Variants in THSD7B observed in about 807,000 individuals in gnomAD.
The protein encoded by THSD7B is thrombospondin type-1 domain-containing protein 7B.
Under a neutral mutation model 213.6 loss-of-function variants are expected in THSD7B, and 138 were observed. The observed-to-expected ratio is 0.65, with a 90% CI of 0.56 to 0.74. The LOEUF (loss-of-function observed/expected upper bound fraction) is 0.74, where lower values mean the gene tolerates loss of function less well. Among genes scored for constraint, THSD7B ranks in the 30% least tolerant of loss-of-function variants. The probability of loss-of-function intolerance (pLI) is 0.00; values close to 1 mark genes in which losing one functional copy is unlikely to be tolerated. For missense variants in THSD7B, 1,931 were observed against 1,991.5 expected, an observed-to-expected ratio of 0.97 and a Z score of 0.58; for synonymous variants, 742 against 687.0, an observed-to-expected ratio of 1.08 and a Z score of -1.25.
chr2:136,908,433 T>TTTGAAC (rs1190362744), intron 2 of THSD7B, among the ~76,000 whole-genome samples: 3 of 152,186 alleles, frequency 2.0e-5, no homozygotes, highest in Admixed American at 6.5e-5. Context: ...AAAATTGGAA[T>TTTGAAC]TTGAACTAGA....
At chr2:136,902,415 T>A (rs1054782881) in intron 2 of THSD7B, among the ~76,000 whole-genome samples, 9 of 152,180 alleles carry the variant, frequency 5.9e-5, no homozygotes, top group Middle Eastern at 3.2e-3. Flanking sequence ...CTGGAGGAGA[T>A]CTTCAGCTCA....
intron 10 of THSD7B, among the ~76,000 whole-genome samples, chr2:137,264,144 C>T (rs147871154): frequency 1.3e-5 from 2 of 152,244 alleles, no homozygotes; most frequent in East Asian, 3.9e-4. Flanking sequence ...GTGGTAAATG[C>T]TTCACTCTGA....
intron 2 of THSD7B, among the ~76,000 whole-genome samples, chr2:136,907,531 A>G (rs13007485): frequency 0.1 from 15,630 of 152,252 alleles, 928 homozygotes; most frequent in African/African-American, 0.14. Context: ...AAAAAATTCA[A>G]AACAAAGTAA....
At chr2:137,235,767 C>G (rs1386156594) in intron 9 of THSD7B, among the ~76,000 whole-genome samples, 1 of 152,168 alleles carries the variant, frequency 6.6e-6, no homozygotes, top group East Asian at 1.9e-4. Flanking sequence ...AAATCATCTC[C>G]AGTTTTGCTG....
intron 1 of THSD7B, among the ~76,000 whole-genome samples, chr2:136,847,715 C>G (rs1228846007): frequency 1.3e-5 from 2 of 152,154 alleles, no homozygotes; most frequent in Non-Finnish European, 2.9e-5. Context: ...GGCAGTCTAC[C>G]TACATCCCAC....
At chr2:137,364,022 G>A (rs150396798) in intron 12 of THSD7B, among the ~76,000 whole-genome samples, 4,718 of 152,136 alleles carry the variant, frequency 0.031, 238 homozygotes, top group African/African-American at 0.11. Context: ...ATCCAGCAGC[G>A]CATCAAAAAG....
intron 12 of THSD7B, among the ~76,000 whole-genome samples, chr2:137,359,984 T>G (rs754161776): frequency 1.8e-4 from 28 of 152,154 alleles, no homozygotes; most frequent in Non-Finnish European, 2.2e-4. Context: ...ATCATAGGAA[T>G]AAAAGTCAGC....
At chr2:137,162,682 CTTTT>C (rs944642553) in intron 6 of THSD7B, among the ~76,000 whole-genome samples, 2 of 152,080 alleles carry the variant, frequency 1.3e-5, no homozygotes, top group African/African-American at 4.8e-5. Flanking sequence ...TGCTTTCTTT[CTTTT>C]TCTTTCCTTT....
intron 3 of THSD7B, among the ~76,000 whole-genome samples, chr2:137,088,827 T>C (rs1338964200): frequency 6.6e-6 from 1 of 151,836 alleles, no homozygotes; most frequent in Non-Finnish European, 1.5e-5. Flanking sequence ...AATAGACAAT[T>C]CTCAAAAGAA....
intron 2 of THSD7B, among the ~76,000 whole-genome samples, chr2:136,989,023 A>G (rs925945536): frequency 9.9e-5 from 15 of 152,190 alleles, no homozygotes; most frequent in Admixed American, 6.5e-5. Context: ...AAAGCAGGGT[A>G]TTGGGGTAAG....
At chr2:137,065,178 T>C (rs954778335) in intron 3 of THSD7B, among the ~76,000 whole-genome samples, 1 of 152,070 alleles carries the variant, frequency 6.6e-6, no homozygotes, top group Non-Finnish European at 1.5e-5. Flanking sequence ...TTTTGTGCCC[T>C]CTTCAATTTT....
intron 2 of THSD7B, among the ~76,000 whole-genome samples, chr2:136,977,451 C>T (rs1249101639): frequency 6.6e-6 from 1 of 152,166 alleles, no homozygotes; most frequent in African/African-American, 2.4e-5. Flanking sequence ...TTCTGTATGT[C>T]TATCTCCTTC....
intron 2 of THSD7B, among the ~76,000 whole-genome samples, chr2:136,984,308 G>A (rs574405890): frequency 3.9e-5 from 6 of 152,340 alleles, no homozygotes; most frequent in Admixed American, 1.3e-4. Context: ...TGGAGGTGGG[G>A]CCTGGTGGGA....
intron 1 of THSD7B, among the ~76,000 whole-genome samples, chr2:136,831,948 A>G (rs1038841421): frequency 2.0e-5 from 3 of 152,084 alleles, no homozygotes; most frequent in Admixed American, 2.0e-4. Flanking sequence ...TCCTGTAATA[A>G]TTGTCCTGCT....
intron 3 of THSD7B, among the ~76,000 whole-genome samples, chr2:137,093,110 C>T (rs894549667): frequency 6.6e-6 from 1 of 152,190 alleles, no homozygotes; most frequent in Non-Finnish European, 1.5e-5. Flanking sequence ...ACAAAAGGAA[C>T]AGAATGCCAA....
At chr2:137,223,086 C>A (rs1043178809) in intron 7 of THSD7B, among the ~76,000 whole-genome samples, 8 of 152,296 alleles carry the variant, frequency 5.3e-5, no homozygotes, top group Admixed American at 2.6e-4. Flanking sequence ...CAAACCAGGT[C>A]TTCCCAGGCC....
chr2:137,159,544 T>C (rs1267356599), intron 5 of THSD7B, among the ~76,000 whole-genome samples: 2 of 152,136 alleles, frequency 1.3e-5, no homozygotes, highest in Non-Finnish European at 2.9e-5. Flanking sequence ...ACATGGTTGC[T>C]GCGACCTGAA....
intron 12 of THSD7B, among the ~76,000 whole-genome samples, chr2:137,313,632 C>T (rs1012634132): frequency 1.3e-5 from 2 of 151,956 alleles, no homozygotes; most frequent in African/African-American, 2.4e-5. Flanking sequence ...CATGATTTTG[C>T]AGTGGCTGGT....
chr2:137,344,117 G>A (rs1000264597), intron 12 of THSD7B, among the ~76,000 whole-genome samples: 1 of 151,636 alleles, frequency 6.6e-6, no homozygotes, highest in African/African-American at 2.4e-5. Flanking sequence ...ACATGAGAGG[G>A]ATCTAGGTTG....
Sources: allele counts gnomAD v4.1 joint callset (sites outside exome capture counted in the v4.1 genomes callset), GRCh38; gene constraint gnomAD v4.1.1; transcripts MANE v1.5; gene names NCBI Gene and HGNC (gene_info 2026-07-23, HGNC 2026-07-21).